The following DCC variants were observed in gnomAD, a reference collection of about 807,000 sequenced individuals.
DCC encodes the protein DCC netrin 1 receptor, also known as netrin receptor DCC.
A neutral mutation model predicts 172.5 loss-of-function variants in DCC; 58 were observed. That is an observed-to-expected ratio of 0.34 (90% CI 0.27 to 0.42). DCC has a LOEUF of 0.42. Ranked by LOEUF, DCC falls within the 10% of genes least tolerant of loss-of-function variation. The pLI is 1.00. For synonymous variants in DCC, 709 were observed against 644.5 expected (o/e 1.10, Z -1.52); for missense variants, 1,740 against 1,791.0 (o/e 0.97, Z 0.51).
intron 1 of DCC, among the ~76,000 whole-genome samples, chr18:52,488,792 T>C (rs1213673007): frequency 2.0e-5 from 3 of 152,110 alleles, no homozygotes; most frequent in African/African-American, 4.8e-5. Flanking sequence ...TAAAGCAAGA[T>C]ACTAGGGATC....
chr18:53,402,967 T>A (rs910050192), intron 19 of DCC, 74 bp downstream of exon 19: 1 of 1,043,820 alleles, frequency 9.6e-7, no homozygotes, highest in African/African-American at 1.6e-5. Context: ...CATGAGCTGC[T>A]CCTGCCTTTC....
At chr18:52,935,303 A>G (rs540055719) in intron 5 of DCC, among the ~76,000 whole-genome samples, 4 of 152,038 alleles carry the variant, frequency 2.6e-5, no homozygotes, top group African/African-American at 9.7e-5. Flanking sequence ...TCATCCCTTT[A>G]TTTAATAATT....
intron 7 of DCC, among the ~76,000 whole-genome samples, chr18:53,116,202 A>G (rs1487175493): frequency 2.0e-5 from 3 of 151,750 alleles, no homozygotes; most frequent in African/African-American, 7.2e-5. Context: ...AAACAAAGCA[A>G]GAAAGGCACA....
At position 52,906,296 on chromosome 18, in the gene DCC, C is replaced by T; in HGVS notation, c.665C>T (p.Thr222Ile). The change falls in exon 3 of 29, where the codon ACA becomes ATA. Residue 222 changes from threonine (T) to isoleucine (I), a missense_variant. Physicochemically the swap from Thr to Ile is moderately conservative, Grantham distance 89. Transcript: ENST00000442544. ...GCTCGAAATCCAGCCAGCTCAAGAA[C>T]AGGAAATGAAGCAGAAGTCAGAATT... The part of the protein sequence containing the change: ...CSARNPASSR[T>I]GNEAEVRILS... 6.2e-7 allele frequency: 1 copy of T among 1,613,978 alleles called. No homozygotes were observed. The highest frequency in any genetic ancestry group is 1.1e-5 in the South Asian group (1 of 91,084).
intron 5 of DCC, among the ~76,000 whole-genome samples, chr18:52,937,021 G>C (rs2040391076): frequency 6.6e-6 from 1 of 152,056 alleles, no homozygotes; most frequent in Non-Finnish European, 1.5e-5. Flanking sequence ...TAGTGTATTT[G>C]AGCAGGGAAT....
chr18:53,205,741 C>T (rs1404939141), intron 10 of DCC, among the ~76,000 whole-genome samples: 3 of 152,044 alleles, frequency 2.0e-5, no homozygotes, highest in African/African-American at 7.2e-5. Context: ...ATGGCGTTTG[C>T]CAAACTGCTT....
intron 5 of DCC, among the ~76,000 whole-genome samples, chr18:52,980,698 A>T (rs1044137206): frequency 6.6e-6 from 1 of 152,192 alleles, no homozygotes; most frequent in Non-Finnish European, 1.5e-5. Context: ...ATTTTCTTAA[A>T]CTAATAAATG....
chr18:53,425,582 G>A (rs1284399557), intron 21 of DCC, among the ~76,000 whole-genome samples: 14 of 151,686 alleles, frequency 9.2e-5, no homozygotes, highest in African/African-American at 2.9e-4. Flanking sequence ...GGTTGGTCTC[G>A]AACTCCTGAC....
At chr18:52,744,650 A>G (rs769503337) in intron 1 of DCC, among the ~76,000 whole-genome samples, 71 of 152,208 alleles carry the variant, frequency 4.7e-4, no homozygotes, top group Admixed American at 1.0e-3. Context: ...CAATAGTCAT[A>G]GGTGCTGGTC....
intron 5 of DCC, among the ~76,000 whole-genome samples, chr18:53,060,959 T>A (rs540664516): frequency 6.6e-6 from 1 of 152,174 alleles, no homozygotes; most frequent in Non-Finnish European, 1.5e-5. Context: ...AGCAAGAGGC[T>A]ACATACATAC....
intron 2 of DCC, among the ~76,000 whole-genome samples, chr18:52,862,216 T>C (rs928667499): frequency 2.0e-5 from 3 of 152,138 alleles, no homozygotes; most frequent in South Asian, 4.1e-4. Flanking sequence ...GGAGTTCTTT[T>C]TGGAATTTCC....
intron 12 of DCC, among the ~76,000 whole-genome samples, chr18:53,284,052 C>A (rs192100898): frequency 4.9e-4 from 75 of 152,190 alleles, no homozygotes; most frequent in African/African-American, 1.7e-3. Context: ...TTTTTCAAGA[C>A]CTTTCATAAA....
intron 1 of DCC, among the ~76,000 whole-genome samples, chr18:52,470,198 C>A (rs1253465891): frequency 1.3e-5 from 2 of 152,142 alleles, no homozygotes; most frequent in Non-Finnish European, 1.5e-5. Flanking sequence ...GACTTCGGCA[C>A]CTTAGGAATA....
intron 22 of DCC, among the ~76,000 whole-genome samples, chr18:53,447,959 G>GT (rs2145144285): frequency 6.7e-6 from 1 of 148,900 alleles, no homozygotes; most frequent in East Asian, 2.0e-4. Context: ...CTTTTGATGA[G>GT]TTTTTTCCTC....
chr18:53,345,439 C>T (rs2057712249), intron 15 of DCC, among the ~76,000 whole-genome samples: 1 of 152,106 alleles, frequency 6.6e-6, no homozygotes, highest in Non-Finnish European at 1.5e-5. Context: ...ATTACATGTA[C>T]ATGCATTGAA....
intron 1 of DCC, among the ~76,000 whole-genome samples, chr18:52,599,645 G>A (rs2144813998): frequency 6.6e-6 from 1 of 152,130 alleles, no homozygotes; most frequent in African/African-American, 2.4e-5. Flanking sequence ...CTCCTGAGTA[G>A]CTGGGATTAC....
Position 52,783,323 on chromosome 18 carries a change from C to CTTTTTT in DCC, c.412+30982_412+30987dup, listed in dbSNP as rs374129823. On this transcript the variant is annotated intron_variant, in intron 2 of 28. Transcript: ENST00000442544. Reference sequence around the variant, plus strand: ...ACTAAAAATAATTTATACTACTACTCTTTTTTTTTTTTTTTTTTTTTTTTT... The same window carrying CTTTTTT: ...ACTAAAAATAATTTATACTACTACTCTTTTTTTTTTTTTTTTTTTTTTTTTTTTTTT... 6.8e-3 allele frequency among the ~76,000 whole-genome samples: 402 copies of CTTTTTT among 59,230 alleles called. 81 individuals are homozygous for CTTTTTT. The highest frequency in any genetic ancestry group is 0.018 in the Middle Eastern group (2 of 110). 38.9% of individuals were successfully genotyped at this position (59,230 alleles called of 152,430 possible).
intron 1 of DCC, among the ~76,000 whole-genome samples, chr18:52,610,457 A>G (rs2144838651): frequency 6.7e-6 from 1 of 148,780 alleles, no homozygotes; most frequent in African/African-American, 2.5e-5. Flanking sequence ...TGGAAATACT[A>G]TTTTCTGTGG....
intron 8 of DCC, among the ~76,000 whole-genome samples, chr18:53,162,058 G>A (rs2054848352): frequency 6.6e-6 from 1 of 152,036 alleles, no homozygotes; most frequent in Non-Finnish European, 1.5e-5. Context: ...CAGCACTTTG[G>A]GAGGCCGAGG....
Sources: allele counts gnomAD v4.1 joint callset (sites outside exome capture counted in the v4.1 genomes callset), GRCh38; gene constraint gnomAD v4.1.1; transcripts MANE v1.5; gene names NCBI Gene and HGNC (gene_info 2026-07-23, HGNC 2026-07-21).